Variants in SMYD3 observed in about 807,000 individuals in gnomAD.
SMYD3 encodes the protein histone-lysine N-methyltransferase SMYD3.
In SMYD3, 36 loss-of-function variants were observed where a neutral mutation model predicts 57.7. The ratio of observed to expected loss-of-function variants is 0.62; its 90% confidence interval spans 0.48 to 0.82. The LOEUF (loss-of-function observed/expected upper bound fraction) is 0.82. Among genes scored for constraint, SMYD3 ranks in the 40% least tolerant of loss-of-function variants. The pLI, the probability that SMYD3 is intolerant of heterozygous loss-of-function variation, is 0.00. For synonymous variants in SMYD3, 211 were observed against 195.0 expected (o/e 1.08, Z -0.68); for missense variants, 515 against 538.8 (o/e 0.96, Z 0.44).
chr1:246,494,300 C>T (rs2068323341), intron 1 of SMYD3, among the ~76,000 whole-genome samples: 1 of 151,162 alleles, frequency 6.6e-6, no homozygotes, highest in African/African-American at 2.5e-5. Context: ...ATGCACATTT[C>T]CCAATTAGTT....
chr1:246,233,738 T>C, intron 5 of SMYD3, among the ~76,000 whole-genome samples: 1 of 114,150 alleles, frequency 8.8e-6, no homozygotes, highest in African/African-American at 3.6e-5. Flanking sequence ...CACTCCTCAA[T>C]TCACACTGTG....
intron 5 of SMYD3, among the ~76,000 whole-genome samples, chr1:246,079,107 A>G (rs908918486): frequency 1.3e-5 from 2 of 152,130 alleles, no homozygotes; most frequent in Admixed American, 1.3e-4. Flanking sequence ...CAATGTGATC[A>G]TTCTGGCCAA....
chr1:246,364,868 T>C (rs2066073231), intron 1 of SMYD3, among the ~76,000 whole-genome samples: 1 of 152,162 alleles, frequency 6.6e-6, no homozygotes, highest in Admixed American at 6.5e-5. Context: ...TGAAACTGGA[T>C]ACAATCAAGT....
intron 11 of SMYD3, among the ~76,000 whole-genome samples, chr1:245,762,371 C>G (rs1425492323): frequency 2.0e-5 from 3 of 152,304 alleles, no homozygotes; most frequent in Admixed American, 2.0e-4. Context: ...TTACGAACAT[C>G]TACTTGCAGG....
chr1:246,150,628 AC>A (rs2061925790), intron 5 of SMYD3, among the ~76,000 whole-genome samples: 1 of 152,176 alleles, frequency 6.6e-6, no homozygotes, highest in African/African-American at 2.4e-5. Context: ...TGGGACCCAA[AC>A]CAAGGATTTC....
chr1:246,245,397 C>T (rs1327897859), intron 5 of SMYD3, among the ~76,000 whole-genome samples: 3 of 151,298 alleles, frequency 2.0e-5, no homozygotes, highest in African/African-American at 7.3e-5. Flanking sequence ...CAGCCAAGAT[C>T]GTGCCACTGT....
intron 5 of SMYD3, among the ~76,000 whole-genome samples, chr1:246,165,771 T>C (rs1046836403): frequency 6.6e-5 from 10 of 152,154 alleles, no homozygotes; most frequent in Admixed American, 6.5e-5. Flanking sequence ...CAGATATATA[T>C]ATCTGTTATA....
intron 5 of SMYD3, among the ~76,000 whole-genome samples, chr1:246,220,731 G>A (rs527971876): frequency 1.4e-4 from 22 of 152,276 alleles, no homozygotes; most frequent in African/African-American, 4.6e-4. Context: ...TGCCAGTTCC[G>A]GGGCATGGAG....
At chr1:246,104,773 A>G (rs1340152951) in intron 5 of SMYD3, among the ~76,000 whole-genome samples, 1 of 144,172 alleles carries the variant, frequency 6.9e-6, no homozygotes, top group Non-Finnish European at 1.5e-5. Context: ...TCCCCATGAT[A>G]AAAAAAAAAT....
intron 8 of SMYD3, among the ~76,000 whole-genome samples, chr1:245,915,228 T>C (rs1160279402): frequency 2.0e-5 from 3 of 152,228 alleles, no homozygotes; most frequent in South Asian, 2.1e-4. Flanking sequence ...TTACTACATA[T>C]GTTCTACTAG....
At chr1:246,014,116 T>A (rs1572892230) in intron 5 of SMYD3, among the ~76,000 whole-genome samples, 2 of 152,062 alleles carry the variant, frequency 1.3e-5, no homozygotes, top group Admixed American at 6.5e-5. Context: ...TGAGGTCGGG[T>A]GTTCGAGACC....
At chr1:246,329,709 G>A (rs547065695) in intron 4 of SMYD3, among the ~76,000 whole-genome samples, 3 of 151,988 alleles carry the variant, frequency 2.0e-5, no homozygotes, top group Admixed American at 1.3e-4. Flanking sequence ...GATCCCATTT[G>A]TCAATTTTTG....
At chr1:246,396,530 T>G (rs766191108) in intron 1 of SMYD3, among the ~76,000 whole-genome samples, 3 of 152,216 alleles carry the variant, frequency 2.0e-5, no homozygotes, top group African/African-American at 7.2e-5. Context: ...GAACAAACTA[T>G]TATGCAACAT....
At position 245,858,649 on chromosome 1, in the gene SMYD3, A is replaced by G. The variant is rs758855044; in HGVS notation, c.923T>C (p.Met308Thr). The G allele has an allele frequency of 1.9e-6, 3 of 1,614,194 alleles. No individual in the cohort carries two copies. Among genetic ancestry groups the G allele is most frequent in the Non-Finnish European group, 2.5e-6 (3 of 1,180,020 alleles). ...ATTGCTGCTTATGATTGCCTGGCAC[A>G]TGGCCAGAACCTGCTCCCACTCTGT... is the stretch of plus-strand genomic sequence containing the variant. ...AHWKWEQVLA[M>T]CQAIISSNSE... Residue 308 changes from methionine (M) to threonine (T), a missense_variant, in exon 10 of 12, where the codon ATG becomes ACG. Transcript: ENST00000490107.
chr1:246,429,322 C>G (rs1040138297), intron 1 of SMYD3, among the ~76,000 whole-genome samples: 1 of 152,020 alleles, frequency 6.6e-6, no homozygotes, highest in African/African-American at 2.4e-5. Context: ...TAAAATTCAT[C>G]AAATGTAAGA....
chr1:246,400,464 G>A (rs59768953), intron 1 of SMYD3, among the ~76,000 whole-genome samples: 9,922 of 152,150 alleles, frequency 0.065, 629 homozygotes, highest in East Asian at 0.32. Context: ...TCAAACTCCT[G>A]GGCTCAAGCA....
At chr1:246,414,742 G>C (rs1378509818) in intron 1 of SMYD3, among the ~76,000 whole-genome samples, 1 of 105,912 alleles carries the variant, frequency 9.4e-6, no homozygotes, top group African/African-American at 3.8e-5. Flanking sequence ...TTTTGAGATA[G>C]AGTCTTGCTC....
At chr1:246,505,708 T>C (rs202135657) in intron 1 of SMYD3, among the ~76,000 whole-genome samples, 3 of 152,156 alleles carry the variant, frequency 2.0e-5, no homozygotes, top group Non-Finnish European at 4.4e-5. Flanking sequence ...ACTAATGAAA[T>C]AGTATGGTAA....
chr1:246,102,785 C>T (rs1295945065), intron 5 of SMYD3, among the ~76,000 whole-genome samples: 1 of 151,938 alleles, frequency 6.6e-6, no homozygotes, highest in African/African-American at 2.4e-5. Context: ...CTACCTACTC[C>T]GGAGGCTGAG....
Sources: allele counts gnomAD v4.1 joint callset (sites outside exome capture counted in the v4.1 genomes callset), GRCh38; gene constraint gnomAD v4.1.1; transcripts MANE v1.5; gene names NCBI Gene and HGNC (gene_info 2026-07-23, HGNC 2026-07-21).